BACH2: variants seen among roughly 807,000 people sequenced by gnomAD.
BACH2 encodes BACH transcriptional regulator 2.
BACH2 carries 5 observed loss-of-function variants against 61.8 expected under a neutral mutation model. The observed-to-expected ratio is 0.08, with a 90% CI of 0.04 to 0.17. The LOEUF (loss-of-function observed/expected upper bound fraction) is 0.17, where lower values mean the gene tolerates loss of function less well. Among genes scored for constraint, BACH2 ranks in the 10% least tolerant of loss-of-function variants. BACH2 has a pLI of 1.00. For missense variants in BACH2, 824 were observed against 1,091.1 expected (o/e 0.76, Z 3.45); for synonymous variants, 446 against 440.1 (o/e 1.01, Z -0.17).
chr6:90,120,891 G>C (rs376646050), intron 4 of BACH2, among the ~76,000 whole-genome samples: 1 of 145,218 alleles, frequency 6.9e-6, no homozygotes, highest in South Asian at 2.3e-4. Context: ...TAAATATTAT[G>C]TTGGCCCATA....
At chr6:90,282,370 T>C (rs1771884153) in intron 1 of BACH2, among the ~76,000 whole-genome samples, 1 of 152,182 alleles carries the variant, frequency 6.6e-6, no homozygotes, top group Non-Finnish European at 1.5e-5. Flanking sequence ...TGCGTTTTCA[T>C]CATTTAGCTC....
intron 4 of BACH2, among the ~76,000 whole-genome samples, chr6:90,182,157 T>G (rs1272750274): frequency 6.6e-6 from 1 of 152,184 alleles, no homozygotes; most frequent in Non-Finnish European, 1.5e-5. Flanking sequence ...GTTGCACAGA[T>G]ACATAATTTT....
intron 3 of BACH2, among the ~76,000 whole-genome samples, chr6:90,217,354 G>A (rs966416813): frequency 6.6e-6 from 1 of 152,090 alleles, no homozygotes; most frequent in East Asian, 1.9e-4. Context: ...ACTGCAAAAT[G>A]TTTCAACTTT....
At chr6:90,083,699 A>G (rs1781814218) in intron 5 of BACH2, among the ~76,000 whole-genome samples, 1 of 152,192 alleles carries the variant, frequency 6.6e-6, no homozygotes, top group Non-Finnish European at 1.5e-5. Context: ...GGCACTGGAA[A>G]GGTGGTAAAA....
intron 4 of BACH2, among the ~76,000 whole-genome samples, chr6:90,140,167 C>T (rs1208682733): frequency 6.6e-6 from 1 of 152,206 alleles, no homozygotes; most frequent in Non-Finnish European, 1.5e-5. Context: ...CCCTTTAAGA[C>T]TTCCTAGAAC....
chr6:90,216,458 C>G (rs148795628), intron 3 of BACH2, among the ~76,000 whole-genome samples: 5 of 152,114 alleles, frequency 3.3e-5, no homozygotes, highest in Admixed American at 2.6e-4. Flanking sequence ...CGACTTCCCT[C>G]GGCTCAGACG....
At chr6:90,056,378 C>T (rs1398310642) in intron 5 of BACH2, among the ~76,000 whole-genome samples, 1 of 152,014 alleles carries the variant, frequency 6.6e-6, no homozygotes. Context: ...ACAAAGAAGG[C>T]CATTACATAA....
chr6:90,218,920 CGT>C (rs3221352), intron 3 of BACH2, among the ~76,000 whole-genome samples: 11,366 of 140,064 alleles, frequency 0.081, 691 homozygotes, highest in African/African-American at 0.17. Context: ...GTTTCCTTTC[CGT>C]GTGTGTGTGT....
At chr6:89,964,938 T>C (rs1774966555) in intron 6 of BACH2, among the ~76,000 whole-genome samples, 1 of 152,166 alleles carries the variant, frequency 6.6e-6, no homozygotes. Context: ...CAGGCTGCAA[T>C]GTAGTGGCAC....
Position 90,056,235 on chromosome 6 carries a change from T to G in BACH2, c.-13+32726A>C, listed in dbSNP as rs1355642445. Among the ~76,000 whole-genome samples the G allele has an allele frequency of 4.6e-5, 7 of 152,290 alleles. No individual in the cohort carries two copies. The East Asian group carries it at 9.6e-4, about 21-fold the overall frequency. On this transcript the variant is annotated intron_variant, in intron 5 of 8. Coordinates refer to ENST00000257749, the MANE Select transcript of BACH2 (RefSeq NM_021813.4). Reference sequence around the variant, plus strand: ...CTGTATTCAGGAAACCCATCTCACGTGCAGAGACACACATAGGCTCCAAAT... The same window carrying G: ...CTGTATTCAGGAAACCCATCTCACGGGCAGAGACACACATAGGCTCCAAAT...
intron 3 of BACH2, among the ~76,000 whole-genome samples, chr6:90,238,837 G>C (rs1182037234): frequency 1.3e-5 from 2 of 152,166 alleles, no homozygotes; most frequent in African/African-American, 4.8e-5. Context: ...CTTCTTGGGG[G>C]AGTGAGTTGT....
intron 3 of BACH2, among the ~76,000 whole-genome samples, chr6:90,224,985 A>G (rs1424683129): frequency 6.6e-6 from 1 of 152,176 alleles, no homozygotes; most frequent in South Asian, 2.1e-4. Flanking sequence ...TCATATCTCA[A>G]TGTTGTTCAT....
intron 4 of BACH2, among the ~76,000 whole-genome samples, chr6:90,117,520 T>C (rs2127818610): frequency 6.6e-6 from 1 of 152,022 alleles, no homozygotes; most frequent in East Asian, 1.9e-4. Flanking sequence ...ACAGCATTTG[T>C]CATTCCTATG....
At chr6:90,113,105 C>G (rs1337542175) in intron 4 of BACH2, among the ~76,000 whole-genome samples, 2 of 152,170 alleles carry the variant, frequency 1.3e-5, no homozygotes, top group Non-Finnish European at 2.9e-5. Flanking sequence ...ATTTATAAAG[C>G]AAGTTCTTAG....
chr6:89,972,934 A>G (rs1775449357), intron 6 of BACH2, among the ~76,000 whole-genome samples: 1 of 152,048 alleles, frequency 6.6e-6, no homozygotes, highest in Admixed American at 6.5e-5. Flanking sequence ...CTAAAAATAC[A>G]AAAAAATTAG....
chr6:90,281,099 C>T (rs1771845041), intron 1 of BACH2, among the ~76,000 whole-genome samples: 1 of 152,164 alleles, frequency 6.6e-6, no homozygotes, highest in African/African-American at 2.4e-5. Context: ...GACATCCAGA[C>T]CTGAGAGTAG....
intron 4 of BACH2, among the ~76,000 whole-genome samples, chr6:90,108,965 C>T (rs1783047654): frequency 6.6e-6 from 1 of 152,114 alleles, no homozygotes; most frequent in African/African-American, 2.4e-5. Context: ...TCTGAATTTA[C>T]CTTCACTGTC....
At chr6:90,024,313 G>A (rs1315930773) in intron 5 of BACH2, among the ~76,000 whole-genome samples, 1 of 152,108 alleles carries the variant, frequency 6.6e-6, no homozygotes, top group Non-Finnish European at 1.5e-5. Flanking sequence ...TACAACTTAT[G>A]GTCAGGAAGG....
At chr6:90,171,872 T>C (rs1767826128) in intron 4 of BACH2, among the ~76,000 whole-genome samples, 1 of 152,180 alleles carries the variant, frequency 6.6e-6, no homozygotes, top group Non-Finnish European at 1.5e-5. Flanking sequence ...AATGAAAATA[T>C]AATAATTATA....
Sources: allele counts gnomAD v4.1 joint callset (sites outside exome capture counted in the v4.1 genomes callset), GRCh38; gene constraint gnomAD v4.1.1; transcripts MANE v1.5; gene names NCBI Gene and HGNC (gene_info 2026-07-23, HGNC 2026-07-21).